WWOX: variants seen among roughly 807,000 people sequenced by gnomAD.
WWOX encodes WW domain-containing oxidoreductase.
In WWOX, 69 loss-of-function variants were observed where a neutral mutation model predicts 46.2. The ratio of observed to expected loss-of-function variants is 1.49; its 90% CI spans 1.23 to 1.82. The LOEUF (loss-of-function observed/expected upper bound fraction) is 1.82, where lower values mean the gene tolerates loss of function less well. WWOX is among the 40% of genes most tolerant of loss of function. The pLI, the probability that WWOX is intolerant of heterozygous loss-of-function variation, is 0.00. For synonymous variants in WWOX, 359 were observed against 202.6 expected, an observed-to-expected ratio of 1.77 and a Z score of -6.56; for missense variants, 919 against 542.6, an observed-to-expected ratio of 1.69 and a Z score of -6.89.
At chr16:78,187,150 G>A (rs1450433015) in intron 5 of WWOX, among the ~76,000 whole-genome samples, 1 of 152,160 alleles carries the variant, frequency 6.6e-6, no homozygotes, top group Admixed American at 6.5e-5. Context: ...ATCTTAACCA[G>A]GTTAACTGAG....
chr16:78,272,150 G>A (rs12934697), intron 5 of WWOX, among the ~76,000 whole-genome samples: 28,676 of 152,030 alleles, frequency 0.19, 3,068 homozygotes, highest in South Asian at 0.29. Flanking sequence ...TCTGTAAGTT[G>A]GGGCTCAGTG....
At chr16:78,886,590 T>C (rs1286564275) in intron 8 of WWOX, among the ~76,000 whole-genome samples, 1 of 150,654 alleles carries the variant, frequency 6.6e-6, no homozygotes, top group Non-Finnish European at 1.5e-5. Context: ...CATTGATATG[T>C]ATTGTCCAAT....
intron 8 of WWOX, among the ~76,000 whole-genome samples, chr16:78,436,346 T>G (rs1228416069): frequency 6.6e-6 from 1 of 152,200 alleles, no homozygotes; most frequent in East Asian, 1.9e-4. Context: ...TTCAGTGATC[T>G]CCAACCTGCA....
chr16:79,115,784 T>A (rs2049504524), intron 8 of WWOX, among the ~76,000 whole-genome samples: 1 of 152,148 alleles, frequency 6.6e-6, no homozygotes, highest in Non-Finnish European at 1.5e-5. Flanking sequence ...CTTCACAGGA[T>A]CCAAATCCTT....
Position 78,392,965 on chromosome 16 carries a change from G to A in WWOX, c.605+6017G>A, listed in dbSNP as rs570969348. On this transcript the variant is annotated intron_variant, in intron 6 of 8. Transcript: ENST00000566780. Reference sequence around the variant, plus strand: ...CCAGATAGTTCTCCTCAGAGTTAGCGGTAGCAGCGGTCGTCGGCCAGTGTG... The same window carrying A: ...CCAGATAGTTCTCCTCAGAGTTAGCAGTAGCAGCGGTCGTCGGCCAGTGTG... Among the ~76,000 whole-genome samples, 10 of 152,206 alleles carry A rather than the reference G, an allele frequency of 6.6e-5. No individual in the cohort carries two copies. The South Asian group carries it at 1.0e-3, about 16-fold the overall frequency.
At chr16:79,114,963 G>A (rs1343586654) in intron 8 of WWOX, among the ~76,000 whole-genome samples, 1 of 152,224 alleles carries the variant, frequency 6.6e-6, no homozygotes, top group East Asian at 1.9e-4. Flanking sequence ...AGGGCAGTTA[G>A]ACAATTAGCT....
At chr16:78,408,625 G>T (rs1489999876) in intron 6 of WWOX, among the ~76,000 whole-genome samples, 1 of 152,222 alleles carries the variant, frequency 6.6e-6, no homozygotes, top group African/African-American at 2.4e-5. Context: ...TTGGTAAGAA[G>T]TTGAAGGAAC....
intron 8 of WWOX, among the ~76,000 whole-genome samples, chr16:78,869,288 G>C (rs1022353502): frequency 2.0e-5 from 3 of 152,136 alleles, no homozygotes; most frequent in African/African-American, 7.2e-5. Context: ...GTTAGAAGGG[G>C]ATCAAGGAAA....
intron 8 of WWOX, among the ~76,000 whole-genome samples, chr16:78,800,228 A>T (rs942278303): frequency 2.0e-5 from 3 of 149,662 alleles, no homozygotes; most frequent in African/African-American, 7.5e-5. Flanking sequence ...TGATTGTGTA[A>T]ATGTTCATTG....
chr16:78,882,593 C>T (rs1038236103), intron 8 of WWOX, among the ~76,000 whole-genome samples: 13 of 150,672 alleles, frequency 8.6e-5, no homozygotes, highest in African/African-American at 1.7e-4. Flanking sequence ...CCTCTCTCCT[C>T]GCCTCCCGAG....
chr16:78,993,081 G>A lies in WWOX; in HGVS notation c.1057-218527G>A, dbSNP rs1283627089. 4.6e-5 allele frequency among the ~76,000 whole-genome samples: 7 copies of A among 151,596 alleles called. No homozygotes were observed. The South Asian group carries it at 8.4e-4, about 18-fold the overall frequency. On this transcript the variant is annotated intron_variant, in intron 8 of 8. Coordinates refer to ENST00000566780, the MANE Select transcript of WWOX (RefSeq NM_016373.4). ...TAAATGCACATTTTCCCCTTCTTTCGGGGAGGAAATTTAACTTTTGTGGAA... is the reference window on the plus strand; with the variant it reads ...TAAATGCACATTTTCCCCTTCTTTCAGGGAGGAAATTTAACTTTTGTGGAA...
chr16:78,485,979 C>G (rs1337946349), intron 8 of WWOX, among the ~76,000 whole-genome samples: 18 of 152,144 alleles, frequency 1.2e-4, no homozygotes, highest in Non-Finnish European at 7.3e-5. Flanking sequence ...ACTCTGTTAC[C>G]TAGGAGTCCA....
In WWOX at chr16:79,177,191, A is replaced by G. The variant is rs542358576; in HGVS notation, c.1057-34417A>G. On this transcript the variant is annotated intron_variant, in intron 8 of 8. Coordinates refer to ENST00000566780, the MANE Select transcript of WWOX (RefSeq NM_016373.4). ...CTGTGAAGTTCACATTGAAGTGTGAAAAGAGAGACGTGGCAACTGACACAT... is the reference window on the plus strand; with the variant it reads ...CTGTGAAGTTCACATTGAAGTGTGAGAAGAGAGACGTGGCAACTGACACAT... Among the ~76,000 whole-genome samples the G allele has an allele frequency of 5.9e-5, 9 of 152,264 alleles. No individual in the cohort carries two copies. In the South Asian group the frequency reaches 1.9e-3, roughly 32 times the overall value.
intron 8 of WWOX, among the ~76,000 whole-genome samples, chr16:79,139,807 A>T (rs2050053876): frequency 6.6e-6 from 1 of 152,226 alleles, no homozygotes; most frequent in Non-Finnish European, 1.5e-5. Context: ...GTCCCTGGGC[A>T]CTTGCCCGAA....
chr16:78,673,444 G>A (rs748309848), intron 8 of WWOX, among the ~76,000 whole-genome samples: 3 of 152,112 alleles, frequency 2.0e-5, no homozygotes, highest in Non-Finnish European at 4.4e-5. Context: ...CATCGGTAAT[G>A]ACACCAGCAC....
In WWOX at chr16:78,523,178, G is replaced by C. The variant is rs191534720; in HGVS notation, c.1056+90426G>C. 5.6e-3 allele frequency among the ~76,000 whole-genome samples: 857 copies of C among 152,296 alleles called. 12 individuals carry two copies. The highest frequency in any genetic ancestry group is 0.02 in the African/African-American group (830 of 41,572). Reference sequence around the variant, plus strand: ...GGCTTACAGACCTAAATTTATCAAAGGTGGTGGCAGTAATAGTAATAATTA... The same window carrying C: ...GGCTTACAGACCTAAATTTATCAAACGTGGTGGCAGTAATAGTAATAATTA... On this transcript the variant is annotated intron_variant, in intron 8 of 8. Transcript: ENST00000566780.
intron 5 of WWOX, chr16:78,278,567 A>G (rs2079619361): frequency 6.3e-7 from 1 of 1,587,028 alleles, no homozygotes; most frequent in Non-Finnish European, 8.6e-7. Flanking sequence ...CTCATAACTT[A>G]ATTTTACACA....
intron 4 of WWOX, among the ~76,000 whole-genome samples, chr16:78,128,115 T>A (rs1486871451): frequency 6.6e-6 from 1 of 152,056 alleles, no homozygotes; most frequent in Non-Finnish European, 1.5e-5. Flanking sequence ...AAGGGAAGAT[T>A]AGGGTTGGAA....
intron 8 of WWOX, among the ~76,000 whole-genome samples, chr16:78,768,279 T>A (rs1597577911): frequency 5.4e-5 from 5 of 91,958 alleles, no homozygotes; most frequent in African/African-American, 8.0e-5. Flanking sequence ...ATAGATGAGT[T>A]AAAAAAAAAA....
Sources: allele counts gnomAD v4.1 joint callset (sites outside exome capture counted in the v4.1 genomes callset), GRCh38; gene constraint gnomAD v4.1.1; transcripts MANE v1.5; gene names NCBI Gene and HGNC (gene_info 2026-07-23, HGNC 2026-07-21).